The following KCNMA1 variants were observed in gnomAD, a reference collection of about 807,000 sequenced individuals.
The protein encoded by KCNMA1 is Calcium-activated potassium channel subunit alpha-1.
A neutral mutation model predicts 140.0 loss-of-function variants in KCNMA1; 29 were observed. The ratio of observed to expected loss-of-function variants is 0.21; its 90% CI spans 0.15 to 0.28. The LOEUF (loss-of-function observed/expected upper bound fraction) is 0.28. KCNMA1 is among the 10% of genes least tolerant of loss of function. The pLI is 1.00. For missense variants in KCNMA1, 880 were observed against 1,602.2 expected (o/e 0.55, Z 7.70); for synonymous variants, 612 against 611.9 (o/e 1.00, Z 0.00).
intron 2 of KCNMA1, among the ~76,000 whole-genome samples, chr10:77,342,370 G>C (rs148747939): frequency 5.3e-4 from 80 of 152,254 alleles, no homozygotes; most frequent in African/African-American, 1.9e-3. Context: ...TACTATCATT[G>C]TCCCCATTTT....
intron 2 of KCNMA1, among the ~76,000 whole-genome samples, chr10:77,269,916 G>A (rs1002320491): frequency 6.6e-6 from 1 of 152,206 alleles, no homozygotes; most frequent in African/African-American, 2.4e-5. Context: ...CCTCTGAGGA[G>A]ATACAGGTAA....
At chr10:76,982,966 C>T (rs1046530772) in intron 19 of KCNMA1, among the ~76,000 whole-genome samples, 4 of 152,138 alleles carry the variant, frequency 2.6e-5, no homozygotes, top group African/African-American at 7.2e-5. Flanking sequence ...AAAGGGGTCC[C>T]GTGAAACTCA....
chr10:77,289,659 CTTTTG>C (rs76472675), intron 2 of KCNMA1, among the ~76,000 whole-genome samples: 4,128 of 152,144 alleles, frequency 0.027, 75 homozygotes, highest in Middle Eastern at 0.054. Flanking sequence ...CCATGTAAGA[CTTTTG>C]TTTTGTTTTG....
At chr10:77,501,763 T>C (rs574699836) in intron 1 of KCNMA1, among the ~76,000 whole-genome samples, 24 of 152,206 alleles carry the variant, frequency 1.6e-4, no homozygotes, top group Admixed American at 3.9e-4. Flanking sequence ...CTGCTACCCA[T>C]GGTGGGGTGG....
At chr10:77,345,738 T>C (rs1230886312) in intron 2 of KCNMA1, among the ~76,000 whole-genome samples, 2 of 152,224 alleles carry the variant, frequency 1.3e-5, no homozygotes, top group Non-Finnish European at 2.9e-5. Flanking sequence ...GCAGTTCCCA[T>C]GGTTTACTCT....
intron 3 of KCNMA1, among the ~76,000 whole-genome samples, chr10:77,195,053 ATTGTTG>A (rs749213984): frequency 6.6e-6 from 1 of 150,924 alleles, no homozygotes; most frequent in African/African-American, 2.5e-5. Context: ...TGTTGTTGTT[ATTGTTG>A]TTGTTGTTGT....
intron 2 of KCNMA1, among the ~76,000 whole-genome samples, chr10:77,367,824 C>CTT (rs2094456822): frequency 6.6e-6 from 1 of 152,166 alleles, no homozygotes; most frequent in Non-Finnish European, 1.5e-5. Context: ...TTAACGCTGG[C>CTT]TTTTTTAATT....
chr10:77,062,277 G>A (rs779939564), intron 14 of KCNMA1, among the ~76,000 whole-genome samples: 1 of 152,162 alleles, frequency 6.6e-6, no homozygotes, highest in Non-Finnish European at 1.5e-5. Context: ...ACCTCCACTC[G>A]AATTGCTTGA....
chr10:77,281,620 C>A (rs149169197), intron 2 of KCNMA1, among the ~76,000 whole-genome samples: 2 of 152,182 alleles, frequency 1.3e-5, no homozygotes, highest in African/African-American at 4.8e-5. Flanking sequence ...CTCTATGGCA[C>A]CCTGCTCCAG....
chr10:77,359,188 C>A (rs990951342), intron 2 of KCNMA1, among the ~76,000 whole-genome samples: 4 of 152,208 alleles, frequency 2.6e-5, no homozygotes, highest in African/African-American at 9.6e-5. Flanking sequence ...CCAGCAAGTG[C>A]TTCAGGCCTG....
chr10:77,567,450 T>C (rs1051973415), intron 1 of KCNMA1, among the ~76,000 whole-genome samples: 1 of 152,198 alleles, frequency 6.6e-6, no homozygotes, highest in Non-Finnish European at 1.5e-5. Flanking sequence ...GAGCAAATCC[T>C]AGCCCCTGGA....
chr10:77,056,978 G>A (rs558332274), intron 14 of KCNMA1, among the ~76,000 whole-genome samples: 66 of 152,182 alleles, frequency 4.3e-4, no homozygotes, highest in African/African-American at 1.6e-3. Flanking sequence ...TAGAAGGAAA[G>A]CAGAAATAAT....
intron 1 of KCNMA1, among the ~76,000 whole-genome samples, chr10:77,622,593 A>C (rs1366568532): frequency 6.6e-6 from 1 of 152,210 alleles, no homozygotes; most frequent in African/African-American, 2.4e-5. Flanking sequence ...CACAGTAATC[A>C]CTCAAAGTTT....
At chr10:77,087,436 T>C (rs2096717576) in intron 10 of KCNMA1, among the ~76,000 whole-genome samples, 1 of 152,228 alleles carries the variant, frequency 6.6e-6, no homozygotes, top group African/African-American at 2.4e-5. Context: ...CCCTGACTAA[T>C]ACAATCAAGG....
chr10:77,585,519 G>A (rs2077043810), intron 1 of KCNMA1, among the ~76,000 whole-genome samples: 1 of 152,210 alleles, frequency 6.6e-6, no homozygotes, highest in African/African-American at 2.4e-5. Flanking sequence ...TTGGTGCCCT[G>A]TGCACATGGC....
chr10:77,363,009 C>A (rs1235887312), intron 2 of KCNMA1, among the ~76,000 whole-genome samples: 1 of 152,216 alleles, frequency 6.6e-6, no homozygotes, highest in African/African-American at 2.4e-5. Context: ...TGCGGACAGG[C>A]ACCTGGGAGA....
At chr10:77,605,394 G>A (rs1466327811) in intron 1 of KCNMA1, among the ~76,000 whole-genome samples, 5 of 152,208 alleles carry the variant, frequency 3.3e-5, no homozygotes, top group East Asian at 1.9e-4. Context: ...TCTTTTAGGC[G>A]GCAAAACTGA....
chr10:77,313,471 T>G (rs1032178577), intron 2 of KCNMA1, among the ~76,000 whole-genome samples: 1 of 152,210 alleles, frequency 6.6e-6, no homozygotes, highest in African/African-American at 2.4e-5. Context: ...GACTTTGGTT[T>G]TTATTTACTG....
In KCNMA1 at chr10:76,948,413, A is replaced by G. The variant is rs1007190272; in HGVS notation, c.2709+729T>C. On this transcript the variant is annotated intron_variant, in intron 22 of 27. Transcript: ENST00000286628. ...AGAATTACATCAAATGTTGAAATGC[A>G]TAATTCTCTACAATGTTTTGAGAGT... Among the ~76,000 whole-genome samples, 30 of 152,244 alleles carry G rather than the reference A, an allele frequency of 2.0e-4. 1 individual carries two copies. The highest frequency in any genetic ancestry group is 6.5e-5 in the Admixed American group (1 of 15,294).
Sources: gnomAD v4.1 joint callset for allele counts (sites outside exome capture counted in the v4.1 genomes callset) on GRCh38, gnomAD v4.1.1 for gene constraint, MANE v1.5 for transcripts, NCBI Gene and HGNC (gene_info 2026-07-23, HGNC 2026-07-21) for gene names.